Variants in NREP observed in about 807,000 individuals in gnomAD.
NREP encodes the protein neuronal regeneration related protein.
A neutral mutation model predicts 8.6 loss-of-function variants in NREP; 5 were observed. That is an observed-to-expected ratio of 0.58 (90% CI 0.30 to 1.22). The LOEUF (loss-of-function observed/expected upper bound fraction) is 1.22. Among genes scored for constraint, NREP ranks in the 50% most tolerant of loss-of-function variants. The pLI is 0.07. For synonymous variants in NREP, 27 were observed against 28.0 expected (o/e 0.96, Z 0.11); for missense variants, 86 against 82.5 (o/e 1.04, Z -0.17).
intron 2 of NREP, among the ~76,000 whole-genome samples, chr5:111,804,720 G>C (rs1361726985): frequency 3.3e-5 from 5 of 151,740 alleles, no homozygotes; most frequent in African/African-American, 7.3e-5. Context: ...CAAACAAACA[G>C]AGCCCGCGCA....
intron 2 of NREP, among the ~76,000 whole-genome samples, chr5:111,850,591 C>G (rs1753284422): frequency 6.6e-6 from 1 of 151,980 alleles, no homozygotes; most frequent in African/African-American, 2.4e-5. Flanking sequence ...CCTCCCTTCC[C>G]TTCATCTCTT....
chr5:111,791,766 C>T (rs1418177393), intron 2 of NREP, among the ~76,000 whole-genome samples: 2 of 152,190 alleles, frequency 1.3e-5, no homozygotes, highest in East Asian at 1.9e-4. Context: ...AGCCATGGCA[C>T]CCTGTGACTT....
rs1304689439 is a variant in NREP at position 111,755,810 on chromosome 5, C to T, written c.-38G>A. ...AGTCTTGGGCTTCTATTCTCCCTCT[C>T]TTCAGTCCAGGGAGACCAACCTGCA... On this transcript the variant is annotated 5_prime_UTR_variant, in exon 2 of 4. Coordinates refer to ENST00000257435, the MANE Select transcript of NREP (RefSeq NM_004772.4). 9 of 1,613,496 alleles carry T rather than the reference C, an allele frequency of 5.6e-6. No homozygotes were observed. The African/African-American group carries it at 9.3e-5, about 17-fold the overall frequency.
chr5:111,742,822 C>T (rs752768960), intron 2 of NREP, among the ~76,000 whole-genome samples: 1 of 152,018 alleles, frequency 6.6e-6, no homozygotes, highest in African/African-American at 2.4e-5. Context: ...AATAAGAGCA[C>T]ATTTAGCACA....
chr5:111,769,430 G>A (rs570869098), intron 2 of NREP, among the ~76,000 whole-genome samples: 13 of 152,308 alleles, frequency 8.5e-5, no homozygotes, highest in East Asian at 1.9e-4. Flanking sequence ...AAATGACCGG[G>A]CAAAGAATGC....
At chr5:111,819,926 G>C (rs147148273) in intron 2 of NREP, among the ~76,000 whole-genome samples, 61 of 152,238 alleles carry the variant, frequency 4.0e-4, no homozygotes, top group Non-Finnish European at 6.5e-4. Context: ...GGTAAGTCTT[G>C]AAGAATGTAA....
chr5:111,775,499 G>C (rs1277981909), intron 2 of NREP, among the ~76,000 whole-genome samples: 1 of 152,110 alleles, frequency 6.6e-6, no homozygotes, highest in Non-Finnish European at 1.5e-5. Context: ...CAACACAGCA[G>C]CCCTACTCAT....
chr5:111,842,229 CAAT>C (rs1212757462), intron 2 of NREP, among the ~76,000 whole-genome samples: 1 of 152,010 alleles, frequency 6.6e-6, no homozygotes, highest in Non-Finnish European at 1.5e-5. Context: ...GCCTCAATTT[CAAT>C]AATAAATTTG....
upstream of NREP, among the ~76,000 whole-genome samples, chr5:111,762,134 T>C (rs1554097601): frequency 6.6e-6 from 1 of 152,050 alleles, no homozygotes; most frequent in Non-Finnish European, 1.5e-5. Context: ...CAAGTTGCAT[T>C]ATGGAGTTAG....
At chr5:111,824,011 A>T (rs886699508) in intron 2 of NREP, among the ~76,000 whole-genome samples, 3 of 152,232 alleles carry the variant, frequency 2.0e-5, no homozygotes, top group African/African-American at 7.2e-5. Context: ...TAATGAAATT[A>T]ATACTGATTT....
chr5:111,786,843 C>A (rs1268743727), intron 2 of NREP, among the ~76,000 whole-genome samples: 1 of 152,108 alleles, frequency 6.6e-6, no homozygotes, highest in African/African-American at 2.4e-5. Flanking sequence ...AGCTGTTTTT[C>A]TGTACAACAA....
At chr5:111,760,968 T>G (rs908267012), upstream of NREP, among the ~76,000 whole-genome samples, 9 of 152,236 alleles carry the variant, frequency 5.9e-5, no homozygotes, top group Admixed American at 6.5e-5. Context: ...CTTTATTAAT[T>G]TTTGGTCAAT....
intron 2 of NREP, among the ~76,000 whole-genome samples, chr5:111,805,256 T>A (rs1458034894): frequency 6.6e-6 from 1 of 152,200 alleles, no homozygotes; most frequent in Non-Finnish European, 1.5e-5. Context: ...ACACAACTGC[T>A]CTGAAGGGGA....
intron 2 of NREP, among the ~76,000 whole-genome samples, chr5:111,778,133 G>A (rs1284084399): frequency 6.6e-6 from 1 of 152,112 alleles, no homozygotes; most frequent in African/African-American, 2.4e-5. Flanking sequence ...ATCAGAAGTG[G>A]GAGTGGTCTT....
chr5:111,865,564 C>G (rs1388727383), intron 2 of NREP, among the ~76,000 whole-genome samples: 1 of 152,156 alleles, frequency 6.6e-6, no homozygotes, highest in Non-Finnish European at 1.5e-5. Flanking sequence ...GGCCACATGA[C>G]ATTATGATGG....
intron 2 of NREP, among the ~76,000 whole-genome samples, chr5:111,918,512 T>C (rs1193818871): frequency 2.6e-5 from 4 of 152,062 alleles, no homozygotes; most frequent in Admixed American, 1.3e-4. Flanking sequence ...GCAAGACAGA[T>C]ACATAGACCA....
intron 2 of NREP, among the ~76,000 whole-genome samples, chr5:111,797,555 A>C (rs1751902687): frequency 6.6e-6 from 1 of 152,240 alleles, no homozygotes; most frequent in African/African-American, 2.4e-5. Context: ...TAAAGCTGAT[A>C]ATATTGCTGG....
chr5:111,890,692 T>A lies in NREP; in HGVS notation c.135+84582A>T, dbSNP rs1230955286. Among the ~76,000 whole-genome samples, 6 of 152,338 alleles carry A rather than the reference T, an allele frequency of 3.9e-5. No individual in the cohort carries two copies. The East Asian group carries it at 1.2e-3, about 29-fold the overall frequency. On this transcript the variant is annotated intron_variant, in intron 2 of 3. Coordinates refer to the NREP transcript ENST00000395634. ...GCCAAGGTTTATGGCTTGCACCATC[T>A]GAAGCAGTGGCTTAAGCTGTACCTA...
At chr5:111,964,062 C>T (rs1210917887) in intron 2 of NREP, among the ~76,000 whole-genome samples, 1 of 152,206 alleles carries the variant, frequency 6.6e-6, no homozygotes. Flanking sequence ...GAAACCTTCA[C>T]ATGCCACTCC....
Sources: gnomAD v4.1 joint callset for allele counts (sites outside exome capture counted in the v4.1 genomes callset) on GRCh38, gnomAD v4.1.1 for gene constraint, MANE v1.5 for transcripts, NCBI Gene and HGNC (gene_info 2026-07-23, HGNC 2026-07-21) for gene names.